CNTN5: variants seen among roughly 807,000 people sequenced by gnomAD.
The protein encoded by CNTN5 is contactin 5, also known as contactin-5.
CNTN5 carries 77 observed loss-of-function variants against 129.1 expected under a neutral mutation model. The ratio of observed to expected loss-of-function variants is 0.60; its 90% CI spans 0.50 to 0.72. The LOEUF (loss-of-function observed/expected upper bound fraction) is 0.72, where lower values mean the gene tolerates loss of function less well. CNTN5 is among the 30% of genes least tolerant of loss of function. The pLI is 0.00. For synonymous variants in CNTN5, 509 were observed against 465.6 expected, an observed-to-expected ratio of 1.09 and a Z score of -1.20; for missense variants, 1,478 against 1,328.8, an observed-to-expected ratio of 1.11 and a Z score of -1.75.
At chr11:99,046,282 G>A (rs1864203821) in intron 1 of CNTN5, among the ~76,000 whole-genome samples, 1 of 152,134 alleles carries the variant, frequency 6.6e-6, no homozygotes, top group Non-Finnish European at 1.5e-5. Flanking sequence ...GGAGGTTGCG[G>A]TGAGCCAAGA....
At chr11:99,725,310 AAGG>A (rs1943300308) in intron 3 of CNTN5, among the ~76,000 whole-genome samples, 1 of 152,148 alleles carries the variant, frequency 6.6e-6, no homozygotes, top group South Asian at 2.1e-4. Flanking sequence ...TTGTTTTTGA[AAGG>A]AGAAGGTAGA....
chr11:100,285,904 G>C (rs150442668), intron 18 of CNTN5, among the ~76,000 whole-genome samples: 1 of 152,296 alleles, frequency 6.6e-6, no homozygotes, highest in Non-Finnish European at 1.5e-5. Context: ...TGCGCGCACC[G>C]TGCGCGAGCC....
intron 3 of CNTN5, among the ~76,000 whole-genome samples, chr11:99,716,924 G>A (rs1452254232): frequency 6.6e-6 from 1 of 152,034 alleles, no homozygotes; most frequent in East Asian, 1.9e-4. Context: ...TTAAGATATA[G>A]TTTCATACTC....
intron 1 of CNTN5, among the ~76,000 whole-genome samples, chr11:99,258,640 T>C (rs1300004745): frequency 6.6e-6 from 1 of 152,044 alleles, no homozygotes; most frequent in Non-Finnish European, 1.5e-5. Context: ...TAACCACATG[T>C]AATAAACTCA....
chr11:99,754,522 A>G (rs539406935), intron 3 of CNTN5, among the ~76,000 whole-genome samples: 2 of 152,314 alleles, frequency 1.3e-5, no homozygotes, highest in African/African-American at 4.8e-5. Flanking sequence ...ATTTTCTTAA[A>G]CAGAGACAAT....
At chr11:99,362,768 A>G (rs1483893779) in intron 2 of CNTN5, among the ~76,000 whole-genome samples, 1 of 151,988 alleles carries the variant, frequency 6.6e-6, no homozygotes, top group African/African-American at 2.4e-5. Context: ...AAAACCATTT[A>G]TTGAAAAGAC....
intron 18 of CNTN5, among the ~76,000 whole-genome samples, chr11:100,296,698 G>A (rs1370510038): frequency 6.6e-6 from 1 of 151,496 alleles, no homozygotes; most frequent in Non-Finnish European, 1.5e-5. Flanking sequence ...TCCTTTCCAG[G>A]AGTATATAAA....
intron 18 of CNTN5, among the ~76,000 whole-genome samples, chr11:100,295,090 G>A (rs1951074908): frequency 6.6e-6 from 1 of 151,490 alleles, no homozygotes; most frequent in African/African-American, 2.4e-5. Flanking sequence ...TTGAGTAGCT[G>A]TTACTTATAC....
chr11:99,767,914 A>G (rs1208773433), intron 3 of CNTN5, among the ~76,000 whole-genome samples: 1 of 152,116 alleles, frequency 6.6e-6, no homozygotes, highest in Non-Finnish European at 1.5e-5. Flanking sequence ...AGTAAAATGA[A>G]CACCCATATA....
intron 1 of CNTN5, among the ~76,000 whole-genome samples, chr11:99,168,108 A>AT (rs1860965205): frequency 1.3e-5 from 2 of 151,946 alleles, no homozygotes; most frequent in African/African-American, 4.8e-5. Context: ...ATGCCCGGCT[A>AT]TTTTTTAATA....
chr11:99,599,050 C>G (rs1396862403), intron 3 of CNTN5, among the ~76,000 whole-genome samples: 2 of 151,916 alleles, frequency 1.3e-5, no homozygotes, highest in East Asian at 3.9e-4. Context: ...CATAGTTTCA[C>G]TTTTTAAAGT....
chr11:99,642,518 AGT>A (rs1017577310), intron 3 of CNTN5, among the ~76,000 whole-genome samples: 24 of 152,176 alleles, frequency 1.6e-4, no homozygotes, highest in Non-Finnish European at 2.4e-4. Context: ...TACAGGGTAC[AGT>A]GTGATGTTTT....
intron 6 of CNTN5, among the ~76,000 whole-genome samples, chr11:99,861,350 G>A (rs1319457569): frequency 1.3e-5 from 2 of 152,192 alleles, no homozygotes; most frequent in East Asian, 1.9e-4. Context: ...GATGTATTCC[G>A]AAGTATTTTT....
chr11:99,950,447 C>T (rs1318694073), intron 7 of CNTN5, among the ~76,000 whole-genome samples: 1 of 152,182 alleles, frequency 6.6e-6, no homozygotes, highest in Admixed American at 6.5e-5. Flanking sequence ...TGCTACTGCA[C>T]TCCAGCCTGG....
intron 1 of CNTN5, among the ~76,000 whole-genome samples, chr11:99,155,195 TC>T (rs1222860489): frequency 6.6e-6 from 1 of 152,146 alleles, no homozygotes; most frequent in Non-Finnish European, 1.5e-5. Flanking sequence ...CCCAGCTATT[TC>T]CCCCTTCCGC....
Position 99,868,136 on chromosome 11 carries a change from A to G in CNTN5, c.577+22874A>G, listed in dbSNP as rs552351086. ...GAAGATGAGGCAGGAGAATCACTTG[A>G]ACCCAGGAGGCGGAGGTTGTGATGA... On this transcript the variant is annotated intron_variant, in intron 6 of 24. Transcript: ENST00000524871. Among the ~76,000 whole-genome samples, 11 of 152,156 alleles carry G rather than the reference A, an allele frequency of 7.2e-5. No individual in the cohort carries two copies. The East Asian group carries it at 2.1e-3, about 29-fold the overall frequency.
At chr11:99,826,654 AAG>A (rs1308686142) in intron 4 of CNTN5, among the ~76,000 whole-genome samples, 2 of 152,240 alleles carry the variant, frequency 1.3e-5, no homozygotes, top group African/African-American at 4.8e-5. Flanking sequence ...GCAAAGGGGT[AAG>A]AGAGAACACT....
intron 2 of CNTN5, among the ~76,000 whole-genome samples, chr11:99,552,454 T>A (rs937349633): frequency 6.6e-6 from 1 of 152,004 alleles, no homozygotes; most frequent in Non-Finnish European, 1.5e-5. Flanking sequence ...CACTGATAAT[T>A]GCTAAGAATA....
At chr11:99,856,453 A>G (rs1453549345) in intron 6 of CNTN5, among the ~76,000 whole-genome samples, 21 of 152,152 alleles carry the variant, frequency 1.4e-4, no homozygotes, top group Admixed American at 1.3e-3. Flanking sequence ...GTTGTTTAAA[A>G]TGGTACCCCT....
Sources: allele counts gnomAD v4.1 joint callset (sites outside exome capture counted in the v4.1 genomes callset), GRCh38; gene constraint gnomAD v4.1.1; transcripts MANE v1.5; gene names NCBI Gene and HGNC (gene_info 2026-07-23, HGNC 2026-07-21).